PPP1R9A: variants seen among roughly 807,000 people sequenced by gnomAD.
PPP1R9A encodes the protein neurabin-1.
In PPP1R9A, 59 loss-of-function variants were observed where a neutral mutation model predicts 141.9. The ratio of observed to expected loss-of-function variants is 0.42; its 90% CI spans 0.34 to 0.52. The LOEUF is 0.52. Ranked by LOEUF, PPP1R9A falls within the 20% of genes least tolerant of loss-of-function variation. PPP1R9A has a pLI of 0.10. For synonymous variants in PPP1R9A, 500 were observed against 569.7 expected (o/e 0.88, Z 1.74); for missense variants, 1,444 against 1,611.9 (o/e 0.90, Z 1.78).
intron 1 of PPP1R9A, chr7:94,907,963 T>G (rs1295430942): frequency 6.8e-6 from 1 of 147,142 alleles, no homozygotes; most frequent in East Asian, 2.0e-4. Context: ...GACGCGCGAG[T>G]GGAAGCGGCC....
chr7:94,939,701 A>G (rs980853204), intron 2 of PPP1R9A, among the ~76,000 whole-genome samples: 11 of 151,816 alleles, frequency 7.2e-5, no homozygotes, highest in Non-Finnish European at 1.6e-4. Context: ...TTAGGTGAAC[A>G]TTGACTGGGA....
At chr7:95,203,812 A>T in intron 7 of PPP1R9A, 82 bp downstream of exon 7, 1 of 1,044,218 alleles carries the variant, frequency 9.6e-7, no homozygotes, top group Non-Finnish European at 1.4e-6. Flanking sequence ...TGTCTTATTA[A>T]CTATCTGTAT....
At chr7:95,146,556 C>T (rs1024745777) in intron 4 of PPP1R9A, among the ~76,000 whole-genome samples, 2 of 152,098 alleles carry the variant, frequency 1.3e-5, no homozygotes, top group African/African-American at 4.8e-5. Flanking sequence ...GTGTTTTAGT[C>T]ATGAAGTCTT....
chr7:95,093,079 G>C (rs1276846271), intron 2 of PPP1R9A, among the ~76,000 whole-genome samples: 1 of 152,146 alleles, frequency 6.6e-6, no homozygotes, highest in Non-Finnish European at 1.5e-5. Context: ...ACAGGTTTTG[G>C]TAGACTTGAG....
intron 16 of PPP1R9A, among the ~76,000 whole-genome samples, chr7:95,280,143 A>G (rs772220050): frequency 4.6e-5 from 7 of 152,224 alleles, no homozygotes; most frequent in Admixed American, 2.0e-4. Flanking sequence ...GATCCCATTT[A>G]GATGAGGCTA....
chr7:94,994,896 A>C (rs1192208019), intron 2 of PPP1R9A, among the ~76,000 whole-genome samples: 2 of 151,914 alleles, frequency 1.3e-5, no homozygotes, highest in Non-Finnish European at 2.9e-5. Flanking sequence ...GTCTCAAAAA[A>C]AAAAAACACA....
chr7:95,058,780 T>C (rs1014177254), intron 2 of PPP1R9A, among the ~76,000 whole-genome samples: 1 of 151,378 alleles, frequency 6.6e-6, no homozygotes, highest in Non-Finnish European at 1.5e-5. Context: ...GCTTTAGTTT[T>C]CTTTTCTTTT....
chr7:95,120,467 C>G (rs533732832), intron 3 of PPP1R9A, among the ~76,000 whole-genome samples: 1 of 152,268 alleles, frequency 6.6e-6, no homozygotes, highest in Admixed American at 6.5e-5. Context: ...GTTACCTTTT[C>G]TTGAGACCAC....
At chr7:95,107,398 T>C (rs950939922) in intron 2 of PPP1R9A, among the ~76,000 whole-genome samples, 16 of 152,162 alleles carry the variant, frequency 1.1e-4, no homozygotes, top group African/African-American at 3.9e-4. Context: ...TTTTGGGCTT[T>C]ATTTTTAATC....
At chr7:95,094,598 G>A (rs1290200222) in intron 2 of PPP1R9A, among the ~76,000 whole-genome samples, 1 of 152,092 alleles carries the variant, frequency 6.6e-6, no homozygotes, top group Non-Finnish European at 1.5e-5. Flanking sequence ...GATAGAAACA[G>A]GCTGGGCATG....
rs988354205 is a variant in PPP1R9A, at chr7:95,233,185, A to G, written c.2112+7069A>G. On this transcript the variant is annotated intron_variant, in intron 8 of 19. Coordinates refer to ENST00000433360, the MANE Select transcript of PPP1R9A (RefSeq NM_001166160.2). ...ACATATACACCATGGAATACTATGCAGTCATAAAAAAGGATGACTTAATGT... is the reference window on the plus strand; with the variant it reads ...ACATATACACCATGGAATACTATGCGGTCATAAAAAAGGATGACTTAATGT... Among the ~76,000 whole-genome samples the G allele has an allele frequency of 5.3e-5, 8 of 152,360 alleles. 1 individual carries two copies. The South Asian group carries it at 1.7e-3, about 32-fold the overall frequency.
chr7:95,225,787 T>A (rs1795062649), intron 7 of PPP1R9A, among the ~76,000 whole-genome samples, 174 bp from the exon 8 acceptor site: 1 of 152,204 alleles, frequency 6.6e-6, no homozygotes, highest in African/African-American at 2.4e-5. Flanking sequence ...TTTGGATCTT[T>A]AAACTAACAT....
At chr7:95,256,492 C>A (rs1364323055) in intron 12 of PPP1R9A, among the ~76,000 whole-genome samples, 1 of 151,974 alleles carries the variant, frequency 6.6e-6, no homozygotes, top group Non-Finnish European at 1.5e-5. Context: ...GTGAGGCTAA[C>A]AAAAGTCTCT....
At chr7:95,162,092 G>T (rs1830541205) in intron 5 of PPP1R9A, 121 bp downstream of exon 5, 5 of 549,334 alleles carry the variant, frequency 9.1e-6, no homozygotes. Context: ...GTAAAACTTT[G>T]CTTTTAGTTT....
At chr7:95,174,137 A>G (rs1037512315) in intron 5 of PPP1R9A, among the ~76,000 whole-genome samples, 1 of 152,154 alleles carries the variant, frequency 6.6e-6, no homozygotes, top group African/African-American at 2.4e-5. Context: ...TGATAAATGG[A>G]TATACAAATT....
At chr7:95,036,865 A>G (rs990357771) in intron 2 of PPP1R9A, 2 of 152,146 alleles carry the variant, frequency 1.3e-5, no homozygotes, top group African/African-American at 2.4e-5. Flanking sequence ...CATACACACT[A>G]TCCAACTCAG....
intron 5 of PPP1R9A, among the ~76,000 whole-genome samples, chr7:95,173,940 C>CT (rs1442239024): frequency 6.6e-6 from 1 of 152,070 alleles, no homozygotes; most frequent in Non-Finnish European, 1.5e-5. Context: ...AGCACAACCA[C>CT]TTTGCAGAAC....
At chr7:95,156,671 G>C (rs560297589) in intron 4 of PPP1R9A, 2 of 152,490 alleles carry the variant, frequency 1.3e-5, no homozygotes, top group Admixed American at 1.3e-4. Context: ...AGGAGACCCT[G>C]GAGAGGGAAG....
intron 4 of PPP1R9A, among the ~76,000 whole-genome samples, chr7:95,146,160 T>G (rs1827573313): frequency 6.6e-6 from 1 of 152,210 alleles, no homozygotes; most frequent in Non-Finnish European, 1.5e-5. Flanking sequence ...CTCCAGCATC[T>G]GTTGTTTCCC....
Sources: allele counts gnomAD v4.1 joint callset (sites outside exome capture counted in the v4.1 genomes callset), GRCh38; gene constraint gnomAD v4.1.1; transcripts MANE v1.5; gene names NCBI Gene and HGNC (gene_info 2026-07-23, HGNC 2026-07-21).